Variants in AFF3 observed in about 807,000 individuals in gnomAD.
AFF3 encodes ALF transcription elongation factor 3, also known as AF4/FMR2 family member 3.
A neutral mutation model predicts 129.7 loss-of-function variants in AFF3; 32 were observed. That is an observed-to-expected ratio of 0.25 (90% confidence interval 0.19 to 0.33). AFF3 has a LOEUF of 0.33. AFF3 is among the 10% of genes least tolerant of loss of function. The probability of loss-of-function intolerance (pLI) is 1.00; values close to 1 mark genes in which losing one functional copy is unlikely to be tolerated. For missense variants in AFF3, 1,373 were observed against 1,592.0 expected (o/e 0.86, Z 2.34); for synonymous variants, 644 against 635.4 (o/e 1.01, Z -0.20).
chr2:99,574,192 A>G (rs1043993339), intron 18 of AFF3, among the ~76,000 whole-genome samples: 7 of 152,228 alleles, frequency 4.6e-5, no homozygotes, highest in Admixed American at 1.3e-4. Flanking sequence ...TTTTTAAACA[A>G]AAGTTTGATA....
At chr2:99,573,947 A>G (rs1416742100) in intron 18 of AFF3, among the ~76,000 whole-genome samples, 1 of 152,032 alleles carries the variant, frequency 6.6e-6, no homozygotes, top group Non-Finnish European at 1.5e-5. Context: ...AGGATGGAGG[A>G]GGTGGTTTTC....
chr2:100,015,204 C>T (rs1682911023), intron 4 of AFF3, among the ~76,000 whole-genome samples: 1 of 152,090 alleles, frequency 6.6e-6, no homozygotes, highest in Non-Finnish European at 1.5e-5. Context: ...TAAACAGGTT[C>T]GTCTGATCCC....
At chr2:99,970,981 C>T (rs1678311603) in intron 7 of AFF3, among the ~76,000 whole-genome samples, 1 of 152,196 alleles carries the variant, frequency 6.6e-6, no homozygotes, top group Non-Finnish European at 1.5e-5. Flanking sequence ...AATATCTTTC[C>T]TGCCTGATCC....
At position 99,874,929 on chromosome 2, in the gene AFF3, G is replaced by C. The variant is rs369414608; in HGVS notation, c.874-37405C>G. Among the ~76,000 whole-genome samples, 13 of 152,130 alleles carry C rather than the reference G, an allele frequency of 8.5e-5. No homozygotes were observed. The East Asian group carries it at 1.2e-3, about 14-fold the overall frequency. ...CATTAGAGTGAGACACGGAGAAAAA[G>C]AAGTAAATATGGTAAAATGTTTAAA... On this transcript the variant is annotated intron_variant, in intron 7 of 24. Transcript: ENST00000672756.
chr2:99,989,196 C>T (rs1048598819), intron 7 of AFF3, among the ~76,000 whole-genome samples: 21 of 152,120 alleles, frequency 1.4e-4, no homozygotes, highest in East Asian at 7.7e-4. Context: ...CAAAAATATC[C>T]ACATAGGCAA....
At chr2:99,748,310 T>C (rs140945282) in intron 9 of AFF3, among the ~76,000 whole-genome samples, 6 of 152,328 alleles carry the variant, frequency 3.9e-5, no homozygotes, top group Non-Finnish European at 8.8e-5. Flanking sequence ...CTTGCAAATG[T>C]CTTCTGTAGG....
At chr2:100,048,249 G>A (rs1011899225) in intron 4 of AFF3, among the ~76,000 whole-genome samples, 1 of 152,296 alleles carries the variant, frequency 6.6e-6, no homozygotes, top group Admixed American at 6.5e-5. Flanking sequence ...TCTCTGGGTT[G>A]AACAAATGTT....
rs144442712 is a variant in AFF3, at chr2:99,729,343, TCTTAGCAGCA to T, written c.1040-2225_1040-2216del. On this transcript the variant is annotated intron_variant, in intron 10 of 24. Coordinates refer to ENST00000672756, the MANE Select transcript of AFF3 (RefSeq NM_001386135.1). ...CAGATGCGCAGCTGATTATCTTTGCTCTTAGCAGCACTTATGTTGTGGCAACAGGGCAAAC... is the reference window on the plus strand; with the variant it reads ...CAGATGCGCAGCTGATTATCTTTGCTCTTATGTTGTGGCAACAGGGCAAAC... Among the ~76,000 whole-genome samples, 77 of 152,314 alleles carry T rather than the reference TCTTAGCAGCA, an allele frequency of 5.1e-4. 2 individuals carry two copies. In the East Asian group the frequency reaches 0.014, roughly 27 times the overall value.
rs142082185 is a variant in AFF3 at position 99,650,796 on chromosome 2, A to ATGTG, written c.1144-1134_1144-1131dup. On this transcript the variant is annotated intron_variant, in intron 12 of 24. Coordinates refer to ENST00000672756, the MANE Select transcript of AFF3 (RefSeq NM_001386135.1). ...TTGTTTTTTTCTTCTACTAAAATTA[A>ATGTG]TGTGTGTGTGTGTGTGTGTGTGTGT... is the stretch of plus-strand genomic sequence containing the variant. Among the ~76,000 whole-genome samples the ATGTG allele has an allele frequency of 6.4e-3, 931 of 144,822 alleles. 9 individuals carry two copies. Among genetic ancestry groups the ATGTG allele is most frequent in the African/African-American group, 0.017 (677 of 39,436 alleles).
At chr2:99,784,213 A>AG (rs930865564) in intron 8 of AFF3, among the ~76,000 whole-genome samples, 1 of 152,250 alleles carries the variant, frequency 6.6e-6, no homozygotes, top group Non-Finnish European at 1.5e-5. Flanking sequence ...CCCAGTTACC[A>AG]GAACTTTGTC....
At chr2:100,083,208 C>A (rs539264117) in intron 4 of AFF3, among the ~76,000 whole-genome samples, 4 of 152,122 alleles carry the variant, frequency 2.6e-5, no homozygotes, top group Non-Finnish European at 4.4e-5. Context: ...CAAAGAACAA[C>A]GGTATTTTTC....
chr2:99,776,484 T>A (rs575990580), intron 8 of AFF3, among the ~76,000 whole-genome samples: 2 of 152,196 alleles, frequency 1.3e-5, no homozygotes, highest in Non-Finnish European at 2.9e-5. Flanking sequence ...CACTAATATC[T>A]CATTTGGAGT....
intron 13 of AFF3, among the ~76,000 whole-genome samples, chr2:99,616,287 C>G (rs953750281): frequency 6.6e-6 from 1 of 151,994 alleles, no homozygotes; most frequent in Non-Finnish European, 1.5e-5. Flanking sequence ...AACTTCCATC[C>G]TCATGGAAAC....
At chr2:99,997,477 C>CG (rs201659145) in intron 7 of AFF3, among the ~76,000 whole-genome samples, 1,540 of 61,288 alleles carry the variant, frequency 0.025, 13 homozygotes, top group Middle Eastern at 0.077. Context: ...CAACTATCAC[C>CG]CCCCCCCCAG....
chr2:99,651,796 A>G (rs1419374055), intron 12 of AFF3, among the ~76,000 whole-genome samples: 3 of 152,170 alleles, frequency 2.0e-5, no homozygotes, highest in Non-Finnish European at 4.4e-5. Flanking sequence ...ATAGCCCATC[A>G]CATTTAGATA....
At chr2:99,626,698 A>G (rs940629851) in intron 13 of AFF3, among the ~76,000 whole-genome samples, 9 of 152,012 alleles carry the variant, frequency 5.9e-5, no homozygotes, top group Non-Finnish European at 1.0e-4. Context: ...GTTATCCATT[A>G]GTTATTGTTT....
chr2:99,723,402 T>C (rs1679081045), intron 11 of AFF3, among the ~76,000 whole-genome samples: 1 of 152,124 alleles, frequency 6.6e-6, no homozygotes, highest in Non-Finnish European at 1.5e-5. Flanking sequence ...ACAATTTAAG[T>C]CCATATAATG....
intron 11 of AFF3, among the ~76,000 whole-genome samples, chr2:99,695,434 C>T (rs1676112162): frequency 6.6e-6 from 1 of 152,204 alleles, no homozygotes; most frequent in Admixed American, 6.5e-5. Context: ...GGATATACTG[C>T]TGGCTCCTAC....
chr2:99,807,460 TATCTC>T (rs1686441802), intron 8 of AFF3, among the ~76,000 whole-genome samples: 1 of 152,210 alleles, frequency 6.6e-6, no homozygotes, highest in South Asian at 2.1e-4. Context: ...GGCTTTCTGA[TATCTC>T]AGCTGGTGGA....
Sources: gnomAD v4.1 joint callset for allele counts (sites outside exome capture counted in the v4.1 genomes callset) on GRCh38, gnomAD v4.1.1 for gene constraint, MANE v1.5 for transcripts, NCBI Gene and HGNC (gene_info 2026-07-23, HGNC 2026-07-21) for gene names.